SORCS1: variants seen among roughly 807,000 people sequenced by gnomAD.
SORCS1 encodes sortilin related VPS10 domain containing receptor 1, also known as VPS10 domain-containing receptor SorCS1.
SORCS1 carries 60 observed loss-of-function variants against 146.1 expected under a neutral mutation model. The ratio of observed to expected loss-of-function variants is 0.41; its 90% CI spans 0.33 to 0.51. The LOEUF (loss-of-function observed/expected upper bound fraction) is 0.51, where lower values mean the gene tolerates loss of function less well. Among genes scored for constraint, SORCS1 ranks in the 20% least tolerant of loss-of-function variants. The pLI is 0.21. For missense variants in SORCS1, 1,352 were observed against 1,487.6 expected, an observed-to-expected ratio of 0.91 and a Z score of 1.50; for synonymous variants, 637 against 584.0, an observed-to-expected ratio of 1.09 and a Z score of -1.31.
chr10:106,790,135 G>T (rs574319354), intron 3 of SORCS1, among the ~76,000 whole-genome samples: 1 of 152,038 alleles, frequency 6.6e-6, no homozygotes, highest in Non-Finnish European at 1.5e-5. Flanking sequence ...CCACATCATG[G>T]TGCTTCTCAA....
intron 1 of SORCS1, among the ~76,000 whole-genome samples, chr10:107,155,102 T>A (rs1371312981): frequency 6.6e-6 from 1 of 152,294 alleles, no homozygotes; most frequent in East Asian, 1.9e-4. Context: ...TTAGTATACA[T>A]TGAATGACAG....
intron 5 of SORCS1, among the ~76,000 whole-genome samples, chr10:106,755,616 C>A (rs188491585): frequency 7.3e-5 from 11 of 150,976 alleles, no homozygotes; most frequent in Non-Finnish European, 1.3e-4. Context: ...GTCTTTTTTT[C>A]CCTTTTTAGG....
intron 8 of SORCS1, among the ~76,000 whole-genome samples, 156 bp downstream of exon 8, chr10:106,706,389 A>C (rs1854531854): frequency 6.6e-6 from 1 of 152,160 alleles, no homozygotes; most frequent in Admixed American, 6.5e-5. Context: ...GACTGACCAA[A>C]GAGACAGTAA....
intron 2 of SORCS1, among the ~76,000 whole-genome samples, chr10:106,913,366 G>C (rs961780027): frequency 2.0e-5 from 3 of 152,182 alleles, no homozygotes; most frequent in Admixed American, 6.5e-5. Context: ...GGTGCTGCTG[G>C]AACTGCAATA....
chr10:106,701,774 T>C (rs1854155939), intron 8 of SORCS1, among the ~76,000 whole-genome samples: 8 of 152,228 alleles, frequency 5.3e-5, no homozygotes, highest in Admixed American at 5.2e-4. Flanking sequence ...CTTAGCCATG[T>C]GAATGAAACT....
At position 107,164,645 on chromosome 10, in the gene SORCS1, C is replaced by G. The variant is rs1384431940; in HGVS notation, c.-119G>C. 1.9e-5 allele frequency: 16 copies of G among 823,980 alleles called. No individual in the cohort carries two copies. The highest frequency in any genetic ancestry group is 2.6e-5 in the Non-Finnish European group (16 of 613,462). 51.0% of individuals were successfully genotyped at this position (823,980 alleles called of 1,614,324 possible). ...CCCCAACTCCATCCAAGTTGCGCCG[C>G]GGTGGGGGCGGGCGGAGGCGGCGCC... On this transcript the variant is annotated 5_prime_UTR_variant, in exon 1 of 26. Coordinates refer to ENST00000263054, the MANE Select transcript of SORCS1 (RefSeq NM_052918.5). This position sits in a 1 kb window ranked among gnomAD's most constrained non-coding sequence, Gnocchi z 6.8.
rs1039544944 is a variant in SORCS1 at position 107,076,173 on chromosome 10, C to T, written c.558+87796G>A. Among the ~76,000 whole-genome samples, 6 of 152,006 alleles carry T rather than the reference C, an allele frequency of 3.9e-5. No homozygotes were observed. The East Asian group carries it at 7.7e-4, about 20-fold the overall frequency. ...ATACTAAAGTCTGTTGCTAGGTTTT[C>T]GGCACCGTATTTGCTAGAACATTAG... On this transcript the variant is annotated intron_variant, in intron 1 of 25. Transcript: ENST00000263054.
intron 2 of SORCS1, among the ~76,000 whole-genome samples, chr10:106,948,972 AG>A (rs1217615407): frequency 2.0e-5 from 3 of 152,180 alleles, no homozygotes; most frequent in Non-Finnish European, 4.4e-5. Flanking sequence ...AAAAAAAAAA[AG>A]AATTTTAATT....
intron 2 of SORCS1, among the ~76,000 whole-genome samples, chr10:106,922,050 C>G (rs1024734299): frequency 6.6e-6 from 1 of 152,196 alleles, no homozygotes; most frequent in East Asian, 1.9e-4. Flanking sequence ...TAAGAAAGGT[C>G]AAAAATCTGA....
intron 2 of SORCS1, among the ~76,000 whole-genome samples, chr10:106,910,355 C>T (rs1480867226): frequency 3.3e-5 from 5 of 150,018 alleles, no homozygotes; most frequent in East Asian, 1.9e-4. Flanking sequence ...AGCTCACAAG[C>T]GAGAGAGAGG....
chr10:107,097,191 T>G (rs1456000273), intron 1 of SORCS1, among the ~76,000 whole-genome samples: 1 of 152,196 alleles, frequency 6.6e-6, no homozygotes, highest in Non-Finnish European at 1.5e-5. Flanking sequence ...GCTCAGGGAA[T>G]GAAATCCAGG....
intron 1 of SORCS1, among the ~76,000 whole-genome samples, chr10:107,156,768 T>G (rs1208806988): frequency 1.3e-5 from 2 of 152,192 alleles, no homozygotes; most frequent in Non-Finnish European, 2.9e-5. Context: ...TTAATATTAT[T>G]TTTAACTAGC....
intron 5 of SORCS1, among the ~76,000 whole-genome samples, chr10:106,760,683 A>T (rs1859026044): frequency 7.0e-6 from 1 of 142,454 alleles, no homozygotes; most frequent in Non-Finnish European, 1.5e-5. Flanking sequence ...AAGTAAGACT[A>T]CATACACACA....
At chr10:107,037,117 A>G (rs1958938456) in intron 1 of SORCS1, among the ~76,000 whole-genome samples, 1 of 152,152 alleles carries the variant, frequency 6.6e-6, no homozygotes, top group African/African-American at 2.4e-5. Context: ...GCGGTGGAAC[A>G]CACCTGTAAT....
At chr10:106,610,416 C>T (rs917415544) in intron 22 of SORCS1, among the ~76,000 whole-genome samples, 7 of 151,990 alleles carry the variant, frequency 4.6e-5, no homozygotes, top group Admixed American at 4.6e-4. Context: ...ACATCGTAAG[C>T]TTATTTGGGG....
At chr10:107,002,192 T>C (rs990980667) in intron 1 of SORCS1, among the ~76,000 whole-genome samples, 1 of 152,198 alleles carries the variant, frequency 6.6e-6, no homozygotes, top group African/African-American at 2.4e-5. Context: ...AGCTATTACT[T>C]TGTGGTTTTG....
At chr10:106,963,110 A>ATTTTTTTTCTTTTTTTTTTTT (rs1554896743) in intron 1 of SORCS1, among the ~76,000 whole-genome samples, 1 of 76,296 alleles carries the variant, frequency 1.3e-5, no homozygotes, top group African/African-American at 4.6e-5. Context: ...AATGGCCAGA[A>ATTTTTTTTCTTTTTTTTTTTT]TTTTTTTTTT....
At chr10:106,820,273 C>T (rs1947952122) in intron 3 of SORCS1, among the ~76,000 whole-genome samples, 2 of 152,170 alleles carry the variant, frequency 1.3e-5, no homozygotes, top group Non-Finnish European at 2.9e-5. Flanking sequence ...GTATATATCC[C>T]ATACAGCAGG....
chr10:106,661,233 T>C (rs1259309460), intron 17 of SORCS1, among the ~76,000 whole-genome samples: 2 of 152,116 alleles, frequency 1.3e-5, no homozygotes, highest in African/African-American at 4.8e-5. Flanking sequence ...TAACATGAAA[T>C]AAAATACAAA....
Sources: gnomAD v4.1 joint callset for allele counts (sites outside exome capture counted in the v4.1 genomes callset) on GRCh38, gnomAD v4.1.1 for gene constraint, Gnocchi (gnomAD v3.1) non-coding constraint, MANE v1.5 for transcripts, NCBI Gene and HGNC (gene_info 2026-07-23, HGNC 2026-07-21) for gene names.